Variants in SORCS1 observed in about 807,000 individuals in gnomAD.
SORCS1 encodes VPS10 domain-containing receptor SorCS1.
SORCS1 carries 60 observed loss-of-function variants against 146.1 expected under a neutral mutation model. That is an observed-to-expected ratio of 0.41 (90% CI 0.33 to 0.51). The LOEUF is 0.51. Ranked by LOEUF, SORCS1 falls within the 20% of genes least tolerant of loss-of-function variation. The pLI, the probability that SORCS1 is intolerant of heterozygous loss-of-function variation, is 0.21. For missense variants in SORCS1, 1,352 were observed against 1,487.6 expected (o/e 0.91, Z 1.50); for synonymous variants, 637 against 584.0 (o/e 1.09, Z -1.31).
the SORCS1 span, among the ~76,000 whole-genome samples, chr10:107,171,627 C>T: frequency 6.6e-6 from 1 of 150,426 alleles, no homozygotes; most frequent in African/African-American, 2.4e-5. Flanking sequence ...AGCAGTTCTC[C>T]TACCTCAGCC....
intron 3 of SORCS1, among the ~76,000 whole-genome samples, chr10:106,789,531 C>T (rs1233722852): frequency 6.6e-6 from 1 of 152,222 alleles, no homozygotes; most frequent in Non-Finnish European, 1.5e-5. Flanking sequence ...CCACCAGTCT[C>T]TTTGCTAAAG....
chr10:106,620,618 C>G (rs977102203), intron 19 of SORCS1, 57 bp from the exon 20 acceptor site: 2 of 1,586,734 alleles, frequency 1.3e-6, no homozygotes, highest in African/African-American at 2.7e-5. Context: ...CTGCTCTGTC[C>G]TCCCTGCTCT....
At chr10:106,595,778 C>CTTGGTGCT (rs1478845856) in intron 24 of SORCS1, among the ~76,000 whole-genome samples, 1 of 152,066 alleles carries the variant, frequency 6.6e-6, no homozygotes, top group African/African-American at 2.4e-5. Context: ...GCTTTACTTC[C>CTTGGTGCT]TTGGTGCTTT....
At chr10:106,928,314 G>A (rs1268936964) in intron 2 of SORCS1, among the ~76,000 whole-genome samples, 1 of 152,212 alleles carries the variant, frequency 6.6e-6, no homozygotes, top group Non-Finnish European at 1.5e-5. Context: ...ACTGCCGAGG[G>A]ACCCAGTACA....
intron 23 of SORCS1, among the ~76,000 whole-genome samples, chr10:106,603,444 T>C (rs756741973): frequency 6.6e-6 from 1 of 152,166 alleles, no homozygotes; most frequent in Non-Finnish European, 1.5e-5. Flanking sequence ...CTGTGAAGAA[T>C]TTTCAATTTA....
chr10:106,773,460 C>T (rs754806218), intron 4 of SORCS1, among the ~76,000 whole-genome samples: 8 of 152,200 alleles, frequency 5.3e-5, no homozygotes, highest in Non-Finnish European at 8.8e-5. Context: ...TCCCTTCCAG[C>T]GAATGCCCCA....
At chr10:106,793,877 CAT>C (rs1174307399) in intron 3 of SORCS1, among the ~76,000 whole-genome samples, 1 of 152,204 alleles carries the variant, frequency 6.6e-6, no homozygotes, top group African/African-American at 2.4e-5. Flanking sequence ...ATAAACAAAA[CAT>C]ATGTCTCCCC....
chr10:106,835,746 C>G (rs919367064), intron 2 of SORCS1, among the ~76,000 whole-genome samples: 1 of 152,158 alleles, frequency 6.6e-6, no homozygotes, highest in Admixed American at 6.5e-5. Flanking sequence ...TGGCTCATGT[C>G]TGTAATCCCA....
chr10:107,172,963 C>T, the SORCS1 span, among the ~76,000 whole-genome samples: 11 of 152,096 alleles, frequency 7.2e-5, no homozygotes, highest in East Asian at 1.3e-3. Context: ...TAAAATTTAA[C>T]CCACATCCAT....
intron 1 of SORCS1, among the ~76,000 whole-genome samples, chr10:107,036,962 C>A (rs1029617611): frequency 2.0e-5 from 3 of 152,056 alleles, no homozygotes; most frequent in Non-Finnish European, 4.4e-5. Flanking sequence ...AATTAGGAAC[C>A]AGGCTGGGCG....
chr10:106,732,637 T>A (rs1246085546), intron 5 of SORCS1, among the ~76,000 whole-genome samples: 1 of 152,242 alleles, frequency 6.6e-6, no homozygotes, highest in Non-Finnish European at 1.5e-5. Context: ...AAAACTAGCA[T>A]GCAAGCCTAT....
chr10:106,673,373 C>T (rs568978805), intron 14 of SORCS1, among the ~76,000 whole-genome samples: 8 of 152,210 alleles, frequency 5.3e-5, no homozygotes, highest in East Asian at 3.9e-4. Flanking sequence ...CCTCATGATC[C>T]GCCCGCCTTG....
At position 106,667,732 on chromosome 10, in the gene SORCS1, A is replaced by G. The variant is rs1180647692; in HGVS notation, c.2260T>C (p.Ser754Pro). The G allele has an allele frequency of 1.2e-6, 2 of 1,613,992 alleles. No homozygotes were observed. The highest frequency in any genetic ancestry group is 1.6e-4 in the Middle Eastern group (1 of 6,084). ...CTCTGTCCCAAGCTGCAATCCTTTG[A>G]CAGAGAGGATGGATTGAACCAAAAT... is the stretch of plus-strand genomic sequence containing the variant. ...PAFWFNPSSL[S>P]KDCSLGQSYL... The change falls in exon 17 of 26, where the codon TCA becomes CCA. Residue 754 changes from serine to proline, a missense_variant. By Grantham distance (74) the Ser-to-Pro change is moderately conservative (BLOSUM62 -1). Coordinates refer to ENST00000263054, the MANE Select transcript of SORCS1 (RefSeq NM_052918.5).
At chr10:106,629,916 C>A (rs1287855174) in intron 18 of SORCS1, among the ~76,000 whole-genome samples, 1 of 152,074 alleles carries the variant, frequency 6.6e-6, no homozygotes, top group East Asian at 1.9e-4. Flanking sequence ...TGGTGGCGCA[C>A]GCCTATAGTC....
intron 2 of SORCS1, among the ~76,000 whole-genome samples, chr10:106,886,335 T>A (rs562266564): frequency 6.6e-6 from 1 of 152,176 alleles, no homozygotes; most frequent in Non-Finnish European, 1.5e-5. Context: ...CTCAAGTATG[T>A]GTTTATCAGC....
At chr10:107,146,362 A>T (rs1447127923) in intron 1 of SORCS1, among the ~76,000 whole-genome samples, 1 of 152,194 alleles carries the variant, frequency 6.6e-6, no homozygotes, top group East Asian at 1.9e-4. Context: ...TGATTTCAAA[A>T]AATGTTTCCT....
chr10:106,590,933 G>C lies in SORCS1; in HGVS notation c.3265+6418C>G, dbSNP rs1845566408. Among the ~76,000 whole-genome samples, 7 of 152,296 alleles carry C rather than the reference G, an allele frequency of 4.6e-5. No homozygotes were observed. The South Asian group carries it at 1.4e-3, about 32-fold the overall frequency. ...TGCTCCCAAAGTGCTGGTATTACAGGCATGAGCCAGTGCACCCAGCCCATT... is the reference window on the plus strand; with the variant it reads ...TGCTCCCAAAGTGCTGGTATTACAGCCATGAGCCAGTGCACCCAGCCCATT... On this transcript the variant is annotated intron_variant, in intron 24 of 25. Coordinates refer to ENST00000263054, the MANE Select transcript of SORCS1 (RefSeq NM_052918.5).
chr10:106,712,451 T>C (rs961066162), intron 6 of SORCS1, among the ~76,000 whole-genome samples: 33 of 152,194 alleles, frequency 2.2e-4, no homozygotes, highest in Admixed American at 6.5e-5. Context: ...AAAACAAATG[T>C]AACTTTCTCA....
chr10:107,077,184 G>C (rs1185649487), intron 1 of SORCS1, among the ~76,000 whole-genome samples: 1 of 151,572 alleles, frequency 6.6e-6, no homozygotes, highest in East Asian at 1.9e-4. Flanking sequence ...TTCTCCTGTG[G>C]TGTCTCTGAG....
Sources: gnomAD v4.1 joint callset for allele counts (sites outside exome capture counted in the v4.1 genomes callset) on GRCh38, gnomAD v4.1.1 for gene constraint, MANE v1.5 for transcripts, NCBI Gene and HGNC (gene_info 2026-07-23, HGNC 2026-07-21) for gene names.